REDIC1: variants seen among roughly 807,000 people sequenced by gnomAD.
The protein encoded by REDIC1 is regulator of DNA class I crossover intermediates 1.
At chr12:39,663,639 G>A in the REDIC1 span, among the ~76,000 whole-genome samples, 7 of 151,894 alleles carry the variant, frequency 4.6e-5, no homozygotes, top group African/African-American at 1.7e-4. Flanking sequence ...TCTTCTGGTT[G>A]TATTTCTTTT....
chr12:39,717,969 AC>A, the REDIC1 span, among the ~76,000 whole-genome samples: 1 of 145,916 alleles, frequency 6.9e-6, no homozygotes, highest in Non-Finnish European at 1.5e-5. Flanking sequence ...TTCACCTTTC[AC>A]CTTTTTTTTT....
the REDIC1 span, among the ~76,000 whole-genome samples, chr12:39,718,493 A>G: frequency 2.0e-5 from 3 of 152,138 alleles, no homozygotes; most frequent in Non-Finnish European, 1.5e-5. Context: ...TTACCAAGAA[A>G]CTGGCAATTG....
chr12:39,744,712 T>TA, the REDIC1 span, among the ~76,000 whole-genome samples: 2 of 151,710 alleles, frequency 1.3e-5, no homozygotes, highest in African/African-American at 4.8e-5. Context: ...TAAATAAATA[T>TA]AACACTAGGA....
chr12:39,830,213 A>G, the REDIC1 span: 1 of 1,613,132 alleles, frequency 6.2e-7, no homozygotes, highest in Non-Finnish European at 8.5e-7. Flanking sequence ...GATCCAACAT[A>G]CATTCATTAC....
the REDIC1 span, among the ~76,000 whole-genome samples, chr12:39,805,464 A>C: frequency 2.0e-5 from 3 of 151,660 alleles, no homozygotes; most frequent in African/African-American, 7.3e-5. Context: ...TAAATGACAA[A>C]TCTTTCCAGC....
the REDIC1 span, among the ~76,000 whole-genome samples, chr12:39,776,272 C>CAGTCACTAT: frequency 6.6e-6 from 1 of 151,764 alleles, no homozygotes; most frequent in African/African-American, 2.4e-5. Context: ...TTATACTACA[C>CAGTCACTAT]ACTGCTTCCC....
chr12:39,817,623 A>T, the REDIC1 span, among the ~76,000 whole-genome samples: 1 of 152,186 alleles, frequency 6.6e-6, no homozygotes. Context: ...ATTCACGAAA[A>T]AGTTAGCTGT....
the REDIC1 span, among the ~76,000 whole-genome samples, chr12:39,887,605 C>T: frequency 2.0e-5 from 3 of 152,110 alleles, no homozygotes; most frequent in African/African-American, 7.2e-5. Flanking sequence ...TTTTTAAGCA[C>T]CAGAGGGTAG....
At chr12:39,781,887 C>T in the REDIC1 span, among the ~76,000 whole-genome samples, 4 of 152,170 alleles carry the variant, frequency 2.6e-5, no homozygotes, top group Admixed American at 1.3e-4. Context: ...CCTGTACTTG[C>T]AGAGGTGTCT....
chr12:39,737,140 A>G, the REDIC1 span, among the ~76,000 whole-genome samples: 9 of 152,296 alleles, frequency 5.9e-5, no homozygotes, highest in East Asian at 1.7e-3. Flanking sequence ...TTTTTCCACA[A>G]TTGATACTCA....
chr12:39,704,534 A>G, the REDIC1 span, among the ~76,000 whole-genome samples: 1 of 152,194 alleles, frequency 6.6e-6, no homozygotes, highest in Admixed American at 6.5e-5. Context: ...GGGATCTAGA[A>G]CTAGAAATAC....
the REDIC1 span, among the ~76,000 whole-genome samples, chr12:39,709,222 A>G: frequency 1.2e-5 from 1 of 81,452 alleles, no homozygotes; most frequent in Non-Finnish European, 2.8e-5. Context: ...GCTTAGACTT[A>G]TGTGTTTTTT....
chr12:39,653,492 G>GTCTTCTTCTTCTTCT, the REDIC1 span, among the ~76,000 whole-genome samples: 378 of 54,264 alleles, frequency 7.0e-3, 22 homozygotes, highest in Non-Finnish European at 7.9e-3. Flanking sequence ...CAATCTGGAT[G>GTCTTCTTCTTCTTCT]TCTTCTTCTT....
At chr12:39,877,130 C>T in the REDIC1 span, among the ~76,000 whole-genome samples, 2 of 152,022 alleles carry the variant, frequency 1.3e-5, no homozygotes, top group Non-Finnish European at 2.9e-5. Flanking sequence ...TGTTTGTATA[C>T]TCAAAAACAA....
the REDIC1 span, among the ~76,000 whole-genome samples, chr12:39,635,648 C>T: frequency 0.12 from 5,310 of 44,586 alleles, 117 homozygotes; most frequent in African/African-American, 0.18. Flanking sequence ...TGTTGGTGGG[C>T]GGGGGGCTGG....
chr12:39,716,164 G>C, the REDIC1 span, among the ~76,000 whole-genome samples: 205 of 152,010 alleles, frequency 1.3e-3, no homozygotes, highest in South Asian at 2.3e-3. Flanking sequence ...TCATAAACAA[G>C]GGAACAGGAG....
the REDIC1 span, among the ~76,000 whole-genome samples, chr12:39,874,615 CA>C: frequency 0.6 from 60,146 of 101,042 alleles, 14,908 homozygotes; most frequent in East Asian, 0.72. Context: ...AACTCCATCT[CA>C]AAAAAAAAAA....
At chr12:39,829,183 A>AAATCTGGAG in the REDIC1 span, among the ~76,000 whole-genome samples, 1 of 151,976 alleles carries the variant, frequency 6.6e-6, no homozygotes, top group South Asian at 2.1e-4. Context: ...GTTAGTTCAT[A>AAATCTGGAG]AATCTGGAGA....
the REDIC1 span, chr12:39,830,428 C>T: frequency 1.6e-6 from 2 of 1,287,780 alleles, no homozygotes; most frequent in Non-Finnish European, 2.0e-6. Context: ...CCTCTTTTGG[C>T]CACAGCAACT....
Sources: allele counts gnomAD v4.1 joint callset (sites outside exome capture counted in the v4.1 genomes callset), GRCh38; gene constraint gnomAD v4.1.1; transcripts MANE v1.5; gene names NCBI Gene and HGNC (gene_info 2026-07-23, HGNC 2026-07-21).